LRP2: variants seen among roughly 807,000 people sequenced by gnomAD.
LRP2 encodes low-density lipoprotein receptor-related protein 2.
Under a neutral mutation model 531.0 loss-of-function variants are expected in LRP2, and 172 were observed. The ratio of observed to expected loss-of-function variants is 0.32; its 90% confidence interval spans 0.29 to 0.37. The LOEUF (loss-of-function observed/expected upper bound fraction) is 0.37. LRP2 is among the 10% of genes least tolerant of loss of function. The pLI is 1.00. For synonymous variants in LRP2, 1,992 were observed against 2,027.6 expected (o/e 0.98, Z 0.47); for missense variants, 5,167 against 5,868.3 (o/e 0.88, Z 3.90).
rs774009040 is a variant in LRP2 at position 169,139,369 on chromosome 2, C to T, written c.13270G>A (p.Ala4424Thr). 16 of 1,613,974 alleles carry T rather than the reference C, an allele frequency of 9.9e-6. No individual in the cohort carries two copies. The highest frequency in any genetic ancestry group is 5.3e-5 in the African/African-American group (4 of 74,896). The change falls in exon 74 of 79, where the codon GCA becomes ACA. Residue 4424 changes from alanine (A) to threonine (T), a missense_variant and splice_region_variant. Physicochemically the swap from Ala to Thr is moderately conservative, Grantham distance 58. Transcript: ENST00000649046. Reference sequence around the variant, plus strand: ...AGGATTGTCAACAGCACAGCTACTGCGGCTATAGAAGAAGATAGCAGAGAG... The same window carrying T: ...AGGATTGTCAACAGCACAGCTACTGTGGCTATAGAAGAAGATAGCAGAGAG... ...FSKGISPGTTAVAVLLTILLI... is the reference protein window; with the variant it reads ...FSKGISPGTTTVAVLLTILLI...
intron 3 of LRP2, among the ~76,000 whole-genome samples, chr2:169,312,828 T>G (rs1197022064): frequency 6.6e-6 from 1 of 152,230 alleles, no homozygotes; most frequent in East Asian, 1.9e-4. Context: ...TCCCCGTCAC[T>G]TTCAGGTACA....
At chr2:169,189,274 T>C (rs4667595) in intron 48 of LRP2, among the ~76,000 whole-genome samples, 1 of 152,206 alleles carries the variant, frequency 6.6e-6, no homozygotes, top group Non-Finnish European at 1.5e-5. Flanking sequence ...GTTTTACAAC[T>C]GACCTATAAC....
intron 33 of LRP2, among the ~76,000 whole-genome samples, chr2:169,223,739 G>C (rs943833611): frequency 6.6e-6 from 1 of 152,114 alleles, no homozygotes; most frequent in Admixed American, 6.6e-5. Context: ...ATAAAAAAAA[G>C]AGTTTGAACC....
intron 1 of LRP2, among the ~76,000 whole-genome samples, chr2:169,348,932 G>A (rs905963955): frequency 1.3e-5 from 2 of 152,090 alleles, no homozygotes; most frequent in Non-Finnish European, 2.9e-5. Context: ...GGCCTCCAGG[G>A]GCCTCGAGGA....
intron 63 of LRP2, among the ~76,000 whole-genome samples, chr2:169,160,533 G>A (rs1223534172): frequency 6.6e-6 from 1 of 152,012 alleles, no homozygotes; most frequent in East Asian, 1.9e-4. Flanking sequence ...TAAATTAACA[G>A]CACCCAAGAA....
Position 169,185,919 on chromosome 2 carries a change from G to A in LRP2, c.9429C>T (p.Leu3143=), listed in dbSNP as rs779156371. 3 of 1,613,984 alleles carry A rather than the reference G, an allele frequency of 1.9e-6. No homozygotes were observed. The highest frequency in any genetic ancestry group is 2.2e-5 in the South Asian group (2 of 91,044). ...FYCSCRPGYK[L]MSDKRTCVDI... is the part of the protein sequence containing the mutation. ...CAACACAAGTCCGCTTGTCAGACAT[G>A]AGCTTGTAACCAGGACGACAGGAAC... The change falls in exon 50 of 79, where the codon CTC becomes CTT. Residue 3143 remains leucine, a synonymous_variant. Coordinates refer to ENST00000649046, the MANE Select transcript of LRP2 (RefSeq NM_004525.3).
At chr2:169,308,950 G>C (rs1436920218) in intron 3 of LRP2, among the ~76,000 whole-genome samples, 1 of 152,072 alleles carries the variant, frequency 6.6e-6, no homozygotes, top group African/African-American at 2.4e-5. Flanking sequence ...TTGTGGTTTT[G>C]ATTTGCATTT....
At chr2:169,299,582 G>A (rs770087132) in intron 4 of LRP2, among the ~76,000 whole-genome samples, 4 of 150,036 alleles carry the variant, frequency 2.7e-5, no homozygotes, top group Non-Finnish European at 3.0e-5. Flanking sequence ...AAAAGTGACC[G>A]AGCAACAAGA....
At chr2:169,168,473 A>T (rs76136102) in intron 61 of LRP2, 66 bp downstream of exon 61, 1 of 1,506,100 alleles carries the variant, frequency 6.6e-7, no homozygotes, top group Non-Finnish European at 9.2e-7. Context: ...CACATGCTAC[A>T]CGTAAGAAAC....
rs200854662 is a variant in LRP2, at chr2:169,181,473, C to T, written c.10144G>A (p.Ala3382Thr). The change falls in exon 52 of 79, where the codon GCA becomes ACA. Residue 3382 changes from alanine (A) to threonine (T), a missense_variant. This residue lies in a region of LRP2 where 1,129 missense variants were observed against 1,362.7 expected (regional missense o/e 0.83). Transcript: ENST00000649046. ...IDYTNDLLYW[A>T]DAHLGYIEYS... is the part of the protein sequence containing the mutation. ...TCTATGTAACCCAGGTGGGCATCTG[C>T]CCAGTAGAGTAGATCATTGGTGTAA... The T allele has an allele frequency of 6.5e-5, 105 of 1,614,024 alleles. No individual in the cohort carries two copies. Among genetic ancestry groups the T allele is most frequent in the Non-Finnish European group, 8.6e-5 (101 of 1,179,986 alleles).
intron 1 of LRP2, among the ~76,000 whole-genome samples, chr2:169,342,862 T>C (rs1685602571): frequency 6.6e-6 from 1 of 152,238 alleles, no homozygotes; most frequent in South Asian, 2.1e-4. Flanking sequence ...CAAGTCTAGC[T>C]TGACAGCTTT....
chr2:169,163,296 A>C (rs372198742), intron 62 of LRP2, among the ~76,000 whole-genome samples: 13 of 152,198 alleles, frequency 8.5e-5, no homozygotes. Context: ...TTGGCAAGAT[A>C]GTATAAGAAA....
intron 19 of LRP2, among the ~76,000 whole-genome samples, chr2:169,255,789 T>C (rs1027855535): frequency 6.6e-6 from 1 of 152,164 alleles, no homozygotes; most frequent in African/African-American, 2.4e-5. Flanking sequence ...AGTAATTTAC[T>C]GTTTCCTCAC....
chr2:169,212,269 A>C (rs1688622216), intron 36 of LRP2, 62 bp from the exon 37 acceptor site: 9 of 1,605,666 alleles, frequency 5.6e-6, no homozygotes, highest in Admixed American at 1.7e-5. Flanking sequence ...CCCATCTCAA[A>C]TTTCTTTAAT....
rs982657101 is a variant in LRP2, at chr2:169,127,736, G to A, written c.*927C>T. 1.5e-5 allele frequency: 2 copies of A among 137,700 alleles called. No individual in the cohort carries two copies. Among genetic ancestry groups the A allele is most frequent in the Non-Finnish European group, 3.1e-5 (2 of 64,222 alleles). The allele number at this position is 137,700 out of a possible 1,614,324, so 8.5% of individuals were successfully genotyped here. On this transcript the variant is annotated 3_prime_UTR_variant, in exon 79 of 79. Transcript: ENST00000649046. ...TCATAGAAACAAAAACCCAGTTGAG[G>A]CTTTACTTAACTGGTATTTTTTTTT...
At chr2:169,308,505 G>A (rs1462066203) in intron 3 of LRP2, among the ~76,000 whole-genome samples, 1 of 152,178 alleles carries the variant, frequency 6.6e-6, no homozygotes, top group Non-Finnish European at 1.5e-5. Context: ...AGTTTGCTCA[G>A]AATGATCGTT....
intron 42 of LRP2, 102 bp downstream of exon 42, chr2:169,203,880 G>A: frequency 7.9e-7 from 1 of 1,266,142 alleles, no homozygotes; most frequent in South Asian, 1.2e-5. Context: ...TGACATCAAG[G>A]AGAATTTGAA....
Position 169,294,717 on chromosome 2 carries a change from TAAAAAAAAAA to T in LRP2, c.428-17_428-8del, listed in dbSNP as rs370823033. On this transcript the variant is annotated splice_polypyrimidine_tract_variant and splice_region_variant and intron_variant, in intron 4 of 78. Coordinates refer to ENST00000649046, the MANE Select transcript of LRP2 (RefSeq NM_004525.3). ...TGCTCACATGTTGGGTACTCTATTG[TAAAAAAAAAA>T]AAAAAAAAAAAAAGGAAAAGGAAAC... 3.2e-5 allele frequency: 24 copies of T among 743,224 alleles called. No homozygotes were observed. The highest frequency in any genetic ancestry group is 5.2e-5 in the South Asian group (3 of 57,778). The allele number at this position is 743,224 out of a possible 1,614,324, so 46.0% of individuals were successfully genotyped here.
intron 10 of LRP2, among the ~76,000 whole-genome samples, chr2:169,281,337 G>A (rs1450489719): frequency 1.3e-5 from 2 of 152,126 alleles, no homozygotes; most frequent in Non-Finnish European, 2.9e-5. Context: ...CAGGAGAATC[G>A]CTTGAACCCG....
Sources: gnomAD v4.1 joint callset for allele counts (sites outside exome capture counted in the v4.1 genomes callset) on GRCh38, gnomAD v4.1.1 for gene constraint, gnomAD v4.1.1 regional missense constraint, MANE v1.5 for transcripts, NCBI Gene and HGNC (gene_info 2026-07-23, HGNC 2026-07-21) for gene names.